ANO3: variants seen among roughly 807,000 people sequenced by gnomAD.
ANO3 encodes anoctamin-3.
Under a neutral mutation model 144.8 loss-of-function variants are expected in ANO3, and 99 were observed. The ratio of observed to expected loss-of-function variants is 0.68; its 90% CI spans 0.58 to 0.81. The LOEUF (loss-of-function observed/expected upper bound fraction) is 0.81, where lower values mean the gene tolerates loss of function less well. Among genes scored for constraint, ANO3 ranks in the 30% least tolerant of loss-of-function variants. The probability of loss-of-function intolerance (pLI) is 0.00; values close to 1 mark genes in which losing one functional copy is unlikely to be tolerated. For synonymous variants in ANO3, 414 were observed against 392.6 expected, an observed-to-expected ratio of 1.05 and a Z score of -0.64; for missense variants, 905 against 1,202.2, an observed-to-expected ratio of 0.75 and a Z score of 3.66.
chr11:26,211,869 T>C (rs1196644479), intron 1 of ANO3, among the ~76,000 whole-genome samples: 1 of 152,126 alleles, frequency 6.6e-6, no homozygotes, highest in Non-Finnish European at 1.5e-5. Flanking sequence ...CACCATGGAA[T>C]ACTATGCAGC....
chr11:26,558,080 A>C (rs1178197341), intron 13 of ANO3, among the ~76,000 whole-genome samples: 1 of 152,176 alleles, frequency 6.6e-6, no homozygotes, highest in Non-Finnish European at 1.5e-5. Flanking sequence ...GATGTTCCTA[A>C]ACTATTAATG....
intron 1 of ANO3, among the ~76,000 whole-genome samples, chr11:26,265,596 T>C (rs1853290761): frequency 6.8e-6 from 1 of 147,544 alleles, no homozygotes. Flanking sequence ...TAAATGTTAC[T>C]CACACACCAT....
At chr11:26,541,680 G>T (rs183032210) in intron 10 of ANO3, among the ~76,000 whole-genome samples, 9 of 152,170 alleles carry the variant, frequency 5.9e-5, no homozygotes, top group African/African-American at 9.6e-5. Flanking sequence ...AAACAGTGAA[G>T]CCTAGAGTCT....
intron 23 of ANO3, among the ~76,000 whole-genome samples, chr11:26,644,852 C>CACACACACA (rs1853291379): frequency 2.0e-5 from 3 of 149,844 alleles, no homozygotes; most frequent in South Asian, 2.1e-4. Flanking sequence ...CACACACATA[C>CACACACACA]CATATATACA....
chr11:26,215,710 A>G (rs188906117), intron 1 of ANO3, among the ~76,000 whole-genome samples: 14 of 134,930 alleles, frequency 1.0e-4, no homozygotes, highest in Non-Finnish European at 1.7e-4. Flanking sequence ...ACCTGTATAT[A>G]TACTTTTAAC....
At chr11:26,516,193 T>G (rs1861856565) in intron 5 of ANO3, among the ~76,000 whole-genome samples, 1 of 151,810 alleles carries the variant, frequency 6.6e-6, no homozygotes, top group Non-Finnish European at 1.5e-5. Context: ...ATAATCCTTA[T>G]GCATACTTGA....
chr11:26,335,866 C>T (rs541484486), intron 1 of ANO3, among the ~76,000 whole-genome samples: 414 of 152,246 alleles, frequency 2.7e-3, no homozygotes, highest in Non-Finnish European at 3.4e-3. Flanking sequence ...TTGGCAGTGC[C>T]AGTTGTGTTT....
intron 14 of ANO3, among the ~76,000 whole-genome samples, chr11:26,591,611 A>G (rs888394335): frequency 2.0e-5 from 3 of 152,172 alleles, no homozygotes; most frequent in Non-Finnish European, 2.9e-5. Flanking sequence ...GGGAAGCCAC[A>G]TTCTCCATAG....
At chr11:26,656,549 C>A in intron 26 of ANO3, 68 bp downstream of exon 26, 1 of 1,060,712 alleles carries the variant, frequency 9.4e-7, no homozygotes, top group South Asian at 1.3e-5. Context: ...TCAGTTGCCT[C>A]TTTGAAATCA....
intron 1 of ANO3, among the ~76,000 whole-genome samples, chr11:26,399,194 A>G (rs948874105): frequency 6.6e-6 from 1 of 151,700 alleles, no homozygotes; most frequent in Non-Finnish European, 1.5e-5. Flanking sequence ...TCCTTCATCT[A>G]TCATTCTTTT....
At chr11:26,559,858 A>ACG (rs993591146) in intron 14 of ANO3, 79 bp downstream of exon 14, 1 of 908,304 alleles carries the variant, frequency 1.1e-6, no homozygotes, top group African/African-American at 1.6e-5. Flanking sequence ...ACACACACAC[A>ACG]CACACACACA....
intron 1 of ANO3, among the ~76,000 whole-genome samples, chr11:26,297,653 TA>T (rs1854124406): frequency 6.6e-6 from 1 of 152,212 alleles, no homozygotes; most frequent in Admixed American, 6.5e-5. Flanking sequence ...GTATAGTTTG[TA>T]AACAACTTTT....
At chr11:26,243,935 T>G (rs1384478893) in intron 1 of ANO3, among the ~76,000 whole-genome samples, 3 of 151,990 alleles carry the variant, frequency 2.0e-5, no homozygotes, top group Non-Finnish European at 4.4e-5. Flanking sequence ...CTGGTCAGAA[T>G]GGTGAAACTC....
chr11:26,313,871 TTATAATATAATATAA>T (rs59751659), intron 1 of ANO3, among the ~76,000 whole-genome samples: 1 of 147,524 alleles, frequency 6.8e-6, no homozygotes, highest in South Asian at 2.1e-4. Flanking sequence ...AAATTAAATA[TTATAATATAATATAA>T]TATAATATAA....
chr11:26,561,482 G>T (rs1016108325), intron 14 of ANO3, among the ~76,000 whole-genome samples: 2 of 151,946 alleles, frequency 1.3e-5, no homozygotes, highest in Non-Finnish European at 2.9e-5. Context: ...GAAGAGACCA[G>T]TATAGTATAT....
intron 1 of ANO3, among the ~76,000 whole-genome samples, chr11:26,253,827 A>G (rs1443586912): frequency 6.6e-6 from 1 of 152,170 alleles, no homozygotes; most frequent in Non-Finnish European, 1.5e-5. Flanking sequence ...TCTCTGTGTT[A>G]GAGTGTGTCC....
chr11:26,451,439 C>T (rs1441654056), intron 3 of ANO3, among the ~76,000 whole-genome samples: 1 of 152,232 alleles, frequency 6.6e-6, no homozygotes, highest in African/African-American at 2.4e-5. Flanking sequence ...TTAAATCCTG[C>T]ACCTGGCTCG....
chr11:26,614,880 G>T (rs1852205248), intron 17 of ANO3, among the ~76,000 whole-genome samples: 1 of 152,092 alleles, frequency 6.6e-6, no homozygotes, highest in Admixed American at 6.5e-5. Context: ...CTCTACTTCA[G>T]TCACTTTACT....
chr11:26,492,348 C>A (rs1025444105), intron 4 of ANO3, among the ~76,000 whole-genome samples: 3 of 152,094 alleles, frequency 2.0e-5, no homozygotes, highest in African/African-American at 7.2e-5. Flanking sequence ...TTTGCATGTT[C>A]CTAATCCTAT....
Sources: allele counts gnomAD v4.1 joint callset (sites outside exome capture counted in the v4.1 genomes callset), GRCh38; gene constraint gnomAD v4.1.1; transcripts MANE v1.5; gene names NCBI Gene and HGNC (gene_info 2026-07-23, HGNC 2026-07-21).